The following GSK3B variants were observed in gnomAD, a reference collection of about 807,000 sequenced individuals.
GSK3B encodes glycogen synthase kinase-3 beta.
Under a neutral mutation model 56.4 loss-of-function variants are expected in GSK3B, and 15 were observed. The ratio of observed to expected loss-of-function variants is 0.27; its 90% CI spans 0.18 to 0.41. The LOEUF (loss-of-function observed/expected upper bound fraction) is 0.41. Ranked by LOEUF, GSK3B falls within the 10% of genes least tolerant of loss-of-function variation. The probability of loss-of-function intolerance (pLI) is 1.00; values close to 1 mark genes in which losing one functional copy is unlikely to be tolerated. For synonymous variants in GSK3B, 181 were observed against 188.9 expected, an observed-to-expected ratio of 0.96 and a Z score of 0.34; for missense variants, 300 against 513.4, an observed-to-expected ratio of 0.58 and a Z score of 4.02.
At chr3:120,078,342 T>C (rs2058383791) in intron 1 of GSK3B, among the ~76,000 whole-genome samples, 1 of 152,148 alleles carries the variant, frequency 6.6e-6, no homozygotes, top group African/African-American at 2.4e-5. Context: ...CTATACAACT[T>C]ATATTGATAC....
At chr3:120,045,278 G>A (rs1288077940) in intron 1 of GSK3B, among the ~76,000 whole-genome samples, 1 of 152,206 alleles carries the variant, frequency 6.6e-6, no homozygotes, top group Non-Finnish European at 1.5e-5. Flanking sequence ...GGTTCAGCCT[G>A]TTAACTTCCT....
intron 1 of GSK3B, among the ~76,000 whole-genome samples, chr3:120,045,430 G>A (rs1251217447): frequency 6.6e-6 from 1 of 151,676 alleles, no homozygotes; most frequent in African/African-American, 2.4e-5. Flanking sequence ...CCACCTTTTT[G>A]AAACCACACG....
chr3:120,049,006 G>A (rs1355041212), intron 1 of GSK3B, among the ~76,000 whole-genome samples: 2 of 152,204 alleles, frequency 1.3e-5, no homozygotes, highest in African/African-American at 2.4e-5. Context: ...GGAAAAGTTA[G>A]TAGCTAAGGC....
intron 7 of GSK3B, among the ~76,000 whole-genome samples, chr3:119,892,735 G>A (rs1158851857): frequency 2.0e-5 from 3 of 152,014 alleles, no homozygotes; most frequent in Non-Finnish European, 4.4e-5. Flanking sequence ...ATTCAATAAA[G>A]GTTTTAAAAA....
intron 8 of GSK3B, among the ~76,000 whole-genome samples, chr3:119,871,566 A>T (rs953533439): frequency 6.6e-6 from 1 of 152,230 alleles, no homozygotes; most frequent in African/African-American, 2.4e-5. Flanking sequence ...GGATAATCAT[A>T]AAGAACTTAG....
rs980162964 is a variant in GSK3B at position 120,057,116 on chromosome 3, G to A, written c.88+36231C>T. The stretch of plus-strand genomic sequence containing the variant: ...GCCAAGATCGTGCCACTGCACTCCC[G>A]CCTGGGCAACAGAGCAAGATTCTGT... On this transcript the variant is annotated intron_variant, in intron 1 of 10. Coordinates refer to ENST00000264235, the MANE Select transcript of GSK3B (RefSeq NM_001146156.2). 3.9e-5 allele frequency among the ~76,000 whole-genome samples: 6 copies of A among 152,152 alleles called. No homozygotes were observed. In the East Asian group the frequency reaches 5.8e-4, roughly 15 times the overall value.
chr3:119,912,676 T>G (rs980287836), intron 6 of GSK3B, 28 bp downstream of exon 6: 32 of 956,574 alleles, frequency 3.3e-5, no homozygotes, highest in Non-Finnish European at 5.3e-5. Context: ...TTAATAATTA[T>G]GAGCATTATA....
At chr3:119,856,668 T>G (rs974964256) in intron 9 of GSK3B, among the ~76,000 whole-genome samples, 1 of 152,222 alleles carries the variant, frequency 6.6e-6, no homozygotes, top group East Asian at 1.9e-4. Flanking sequence ...TACCTAGCAT[T>G]TCATTGCCCA....
At chr3:120,086,167 A>C (rs1022207790) in intron 1 of GSK3B, among the ~76,000 whole-genome samples, 2 of 152,052 alleles carry the variant, frequency 1.3e-5, no homozygotes, top group African/African-American at 4.8e-5. Context: ...GCCAAAATCC[A>C]AGCAGCAATT....
At chr3:119,859,798 G>C (rs1246668130) in intron 9 of GSK3B, among the ~76,000 whole-genome samples, 1 of 151,972 alleles carries the variant, frequency 6.6e-6, no homozygotes, top group African/African-American at 2.4e-5. Context: ...GTCTGAGTCT[G>C]CATATTGCTC....
chr3:120,077,819 G>GTT (rs536666208), intron 1 of GSK3B, among the ~76,000 whole-genome samples: 1 of 151,652 alleles, frequency 6.6e-6, no homozygotes, highest in African/African-American at 2.4e-5. Context: ...CAATGACATG[G>GTT]TAAGTACTCA....
At chr3:120,067,619 T>C (rs959549328) in intron 1 of GSK3B, among the ~76,000 whole-genome samples, 8 of 152,226 alleles carry the variant, frequency 5.3e-5, no homozygotes, top group African/African-American at 1.7e-4. Context: ...CCATCATGAA[T>C]TCGGGATCAC....
rs543100045 is a variant in GSK3B, at chr3:119,947,156, C to T, written c.366+112G>A. On this transcript the variant is annotated intron_variant, in intron 3 of 10. Coordinates refer to ENST00000264235, the MANE Select transcript of GSK3B (RefSeq NM_001146156.2). The stretch of plus-strand genomic sequence containing the variant: ...CTGAGTATTGCTGGGGCAAGTGTTT[C>T]GGAATTTTTCCATTCCATTAGCAAA... 1.3e-3 allele frequency: 862 copies of T among 687,404 alleles called. 4 individuals carry two copies. Among genetic ancestry groups the T allele is most frequent in the Admixed American group, 2.7e-4 (12 of 44,740 alleles). 42.6% of individuals were successfully genotyped at this position (687,404 alleles called of 1,614,324 possible). A position where few individuals can be genotyped will look rare whatever the true frequency, so the allele number is the denominator to read the frequency against.
chr3:119,918,512 T>C lies in GSK3B; in HGVS notation c.478-2338A>G, dbSNP rs2056804717. Reference sequence around the variant, plus strand: ...CAAAACAAAACAAAAAAAAAGCAGTTTGGTGGCTAAATAAAAGACTAGAAT... The same window carrying C: ...CAAAACAAAACAAAAAAAAAGCAGTCTGGTGGCTAAATAAAAGACTAGAAT... On this transcript the variant is annotated intron_variant, in intron 4 of 10. Coordinates refer to ENST00000264235, the MANE Select transcript of GSK3B (RefSeq NM_001146156.2). Among the ~76,000 whole-genome samples, 3 of 151,854 alleles carry C rather than the reference T, an allele frequency of 2.0e-5. No individual in the cohort carries two copies. In the South Asian group the frequency reaches 6.2e-4, roughly 32 times the overall value.
chr3:120,016,294 G>C (rs2057826304), intron 1 of GSK3B, among the ~76,000 whole-genome samples: 1 of 152,110 alleles, frequency 6.6e-6, no homozygotes, highest in African/African-American at 2.4e-5. Flanking sequence ...CACCTCAAAT[G>C]CTTCTTAATG....
At chr3:120,076,089 G>A (rs2058365125) in intron 1 of GSK3B, among the ~76,000 whole-genome samples, 6 of 152,156 alleles carry the variant, frequency 3.9e-5, no homozygotes, top group Admixed American at 3.9e-4. Flanking sequence ...CGTCAACTAT[G>A]TTTCAACAAA....
chr3:119,903,015 G>A (rs891298221), intron 7 of GSK3B, among the ~76,000 whole-genome samples: 7 of 152,060 alleles, frequency 4.6e-5, no homozygotes, highest in Admixed American at 1.3e-4. Flanking sequence ...GCCCCTGGCC[G>A]GACCAGTAAG....
chr3:120,051,541 T>G (rs970949519), intron 1 of GSK3B, among the ~76,000 whole-genome samples: 1 of 151,792 alleles, frequency 6.6e-6, no homozygotes, highest in East Asian at 1.9e-4. Context: ...CTGAGGCGGG[T>G]GTATCACCTG....
chr3:119,915,452 A>G (rs1224487328), intron 5 of GSK3B, among the ~76,000 whole-genome samples: 1 of 152,170 alleles, frequency 6.6e-6, no homozygotes, highest in Non-Finnish European at 1.5e-5. Context: ...ACTACATTAT[A>G]TTCCCAAAGA....
Sources: allele counts gnomAD v4.1 joint callset (sites outside exome capture counted in the v4.1 genomes callset), GRCh38; gene constraint gnomAD v4.1.1; transcripts MANE v1.5; gene names NCBI Gene and HGNC (gene_info 2026-07-23, HGNC 2026-07-21).